Variants in NCOA7 observed in about 807,000 individuals in gnomAD.
The protein encoded by NCOA7 is 140 kDa estrogen receptor-associated protein.
NCOA7 carries 45 observed loss-of-function variants against 104.3 expected under a neutral mutation model. That is an observed-to-expected ratio of 0.43 (90% CI 0.34 to 0.55). The LOEUF (loss-of-function observed/expected upper bound fraction) is 0.55. Ranked by LOEUF, NCOA7 falls within the 20% of genes least tolerant of loss-of-function variation. NCOA7 has a pLI of 0.02. For missense variants in NCOA7, 1,041 were observed against 1,119.7 expected (o/e 0.93, Z 1.00); for synonymous variants, 398 against 402.3 (o/e 0.99, Z 0.13).
At chr6:125,910,428 A>G (rs181008660) in intron 10 of NCOA7, among the ~76,000 whole-genome samples, 1 of 152,240 alleles carries the variant, frequency 6.6e-6, no homozygotes, top group African/African-American at 2.4e-5. Context: ...ATTTCAAAAC[A>G]TATTTAAGAT....
chr6:125,867,030 T>G (rs1298034063), intron 3 of NCOA7, among the ~76,000 whole-genome samples: 1 of 152,226 alleles, frequency 6.6e-6, no homozygotes, highest in East Asian at 1.9e-4. Context: ...TTAGGAGTAT[T>G]ATATCCATTT....
At chr6:125,809,042 A>G (rs1281231762) in intron 1 of NCOA7, among the ~76,000 whole-genome samples, 2 of 152,174 alleles carry the variant, frequency 1.3e-5, no homozygotes, top group Non-Finnish European at 2.9e-5. Flanking sequence ...TCCGGAGCCC[A>G]TCCTTGATCA....
intron 2 of NCOA7, among the ~76,000 whole-genome samples, chr6:125,848,010 A>G (rs1025020941): frequency 2.9e-4 from 44 of 152,244 alleles, no homozygotes; most frequent in Non-Finnish European, 4.4e-5. Context: ...GACACTTCTC[A>G]AAAGAAGACA....
At chr6:125,847,768 C>T (rs1053512300) in intron 2 of NCOA7, among the ~76,000 whole-genome samples, 5 of 152,114 alleles carry the variant, frequency 3.3e-5, no homozygotes. Context: ...TCTAAAACAC[C>T]AAAAGCAATG....
At chr6:125,822,950 A>AG (rs1394669194) in intron 2 of NCOA7, among the ~76,000 whole-genome samples, 6 of 150,324 alleles carry the variant, frequency 4.0e-5, no homozygotes, top group Non-Finnish European at 8.9e-5. Flanking sequence ...AAAAAAAAAA[A>AG]CAACAAAAAA....
At chr6:125,853,592 A>G (rs1439481111) in intron 2 of NCOA7, among the ~76,000 whole-genome samples, 1 of 152,216 alleles carries the variant, frequency 6.6e-6, no homozygotes, top group Non-Finnish European at 1.5e-5. Context: ...TTCAGTAAAT[A>G]ATAGCCTAAT....
At chr6:125,801,837 C>G (rs902922488) in intron 1 of NCOA7, among the ~76,000 whole-genome samples, 3 of 152,208 alleles carry the variant, frequency 2.0e-5, no homozygotes, top group African/African-American at 7.2e-5. Context: ...TTCATCTTAA[C>G]TAACTGTATT....
chr6:125,850,511 A>G (rs1370545127), intron 2 of NCOA7, among the ~76,000 whole-genome samples: 1 of 152,180 alleles, frequency 6.6e-6, no homozygotes, highest in Non-Finnish European at 1.5e-5. Context: ...TGTTATTTCC[A>G]TGAGTGAAAA....
At chr6:125,804,027 G>A (rs1314063588) in intron 1 of NCOA7, among the ~76,000 whole-genome samples, 3 of 151,808 alleles carry the variant, frequency 2.0e-5, no homozygotes, top group Non-Finnish European at 4.4e-5. Flanking sequence ...GGCATTTACT[G>A]TGAGCACAGG....
At chr6:125,799,631 G>A (rs547009639) in intron 1 of NCOA7, among the ~76,000 whole-genome samples, 4 of 151,990 alleles carry the variant, frequency 2.6e-5, no homozygotes, top group South Asian at 4.2e-4. Flanking sequence ...TAGTAGAGAC[G>A]GGGTTTCACC....
intron 1 of NCOA7, among the ~76,000 whole-genome samples, chr6:125,792,409 C>G (rs554694860): frequency 3.9e-5 from 6 of 152,296 alleles, no homozygotes; most frequent in Admixed American, 2.0e-4. Context: ...CACTGGTAAT[C>G]ATGCCAACTT....
chr6:125,906,550 G>C (rs1430498498), intron 10 of NCOA7, among the ~76,000 whole-genome samples: 3 of 152,206 alleles, frequency 2.0e-5, no homozygotes, highest in East Asian at 3.8e-4. Context: ...TCTGTGGGAA[G>C]TTTGGAAGGG....
chr6:125,882,818 A>T (rs1783954310), intron 7 of NCOA7, among the ~76,000 whole-genome samples: 1 of 152,060 alleles, frequency 6.6e-6, no homozygotes. Context: ...TGTTAGGGAG[A>T]CAATATACTG....
At chr6:125,855,292 A>G (rs1219775080) in intron 3 of NCOA7, 52 bp downstream of exon 3, 2 of 1,379,792 alleles carry the variant, frequency 1.4e-6, no homozygotes, top group African/African-American at 1.4e-5. Context: ...ATCTATAAGA[A>G]TTTTTAAAAG....
intron 2 of NCOA7, among the ~76,000 whole-genome samples, chr6:125,824,505 T>A (rs1055109502): frequency 6.6e-6 from 1 of 152,148 alleles, no homozygotes; most frequent in Admixed American, 6.5e-5. Flanking sequence ...AATAATACTT[T>A]AAAAAATAAG....
intron 10 of NCOA7, among the ~76,000 whole-genome samples, chr6:125,905,655 G>C (rs1418233385): frequency 6.6e-6 from 1 of 152,148 alleles, no homozygotes; most frequent in Non-Finnish European, 1.5e-5. Flanking sequence ...AACAAAATCA[G>C]AATAGAAGAG....
intron 13 of NCOA7, 98 bp from the exon 14 acceptor site, chr6:125,927,565 A>C: frequency 1.1e-6 from 1 of 879,034 alleles, no homozygotes; most frequent in Non-Finnish European, 1.9e-6. Context: ...CTTTGCTGAA[A>C]TAGATCTCAG....
intron 10 of NCOA7, among the ~76,000 whole-genome samples, chr6:125,895,330 T>A (rs1426015834): frequency 6.6e-6 from 1 of 152,128 alleles, no homozygotes; most frequent in Non-Finnish European, 1.5e-5. Flanking sequence ...AGTAAACTAA[T>A]AAGAAAGCGA....
chr6:125,811,512 C>T (rs556410846), intron 1 of NCOA7, among the ~76,000 whole-genome samples: 6 of 152,178 alleles, frequency 3.9e-5, no homozygotes, highest in African/African-American at 1.4e-4. Context: ...GAGGAGCGCA[C>T]ACAAGTGGTC....
Sources: allele counts gnomAD v4.1 joint callset (sites outside exome capture counted in the v4.1 genomes callset), GRCh38; gene constraint gnomAD v4.1.1; transcripts MANE v1.5; gene names NCBI Gene and HGNC (gene_info 2026-07-23, HGNC 2026-07-21).